The following NMT2 variants were observed in gnomAD, a reference collection of about 807,000 sequenced individuals.
NMT2 encodes glycylpeptide N-tetradecanoyltransferase 2.
Under a neutral mutation model 65.4 loss-of-function variants are expected in NMT2, and 35 were observed. The observed-to-expected ratio is 0.54, with a 90% CI of 0.41 to 0.71. The LOEUF is 0.71. Ranked by LOEUF, NMT2 falls within the 30% of genes least tolerant of loss-of-function variation. The pLI, the probability that NMT2 is intolerant of heterozygous loss-of-function variation, is 0.00. For synonymous variants in NMT2, 226 were observed against 231.8 expected (o/e 0.98, Z 0.23); for missense variants, 489 against 611.3 (o/e 0.80, Z 2.11).
At chr10:15,132,057 G>A (rs1355691760) in intron 6 of NMT2, among the ~76,000 whole-genome samples, 1 of 152,052 alleles carries the variant, frequency 6.6e-6, no homozygotes, top group Non-Finnish European at 1.5e-5. Flanking sequence ...TAGAGATGGG[G>A]TTTCGCCATG....
At chr10:15,140,007 G>A (rs1174544132) in intron 2 of NMT2, among the ~76,000 whole-genome samples, 1 of 150,952 alleles carries the variant, frequency 6.6e-6, no homozygotes. Flanking sequence ...GAACTGGGCT[G>A]AAGGAAGTGC....
rs1246988229 is a variant in NMT2 at position 15,124,524 on chromosome 10, TC to T, written c.999+3825del. 3.3e-5 allele frequency among the ~76,000 whole-genome samples: 5 copies of T among 152,192 alleles called. No homozygotes were observed. In the East Asian group the frequency reaches 9.6e-4, roughly 29 times the overall value. On this transcript the variant is annotated intron_variant, in intron 8 of 11. Transcript: ENST00000378165. ...AAATGTTAGCTCCTATATTCAAAAG[TC>T]CATGAAAAAGACAGAAAGCTGGCAC...
intron 8 of NMT2, among the ~76,000 whole-genome samples, chr10:15,120,917 C>T (rs191512319): frequency 6.6e-6 from 1 of 152,166 alleles, no homozygotes; most frequent in Non-Finnish European, 1.5e-5. Flanking sequence ...TGTCTTATCA[C>T]TACTCCAGAG....
At chr10:15,125,570 G>A (rs1846046885) in intron 8 of NMT2, among the ~76,000 whole-genome samples, 2 of 152,198 alleles carry the variant, frequency 1.3e-5, no homozygotes, top group African/African-American at 2.4e-5. Context: ...CTGAAATTTG[G>A]AGAGACCAAA....
At chr10:15,126,041 GC>G (rs201725178) in intron 8 of NMT2, among the ~76,000 whole-genome samples, 2,178 of 152,086 alleles carry the variant, frequency 0.014, 39 homozygotes, top group African/African-American at 0.048. Context: ...TTCTAAGATG[GC>G]CCCCAGTGAT....
chr10:15,156,486 G>A (rs1250401840), intron 1 of NMT2, among the ~76,000 whole-genome samples: 1 of 152,088 alleles, frequency 6.6e-6, no homozygotes, highest in South Asian at 2.1e-4. Context: ...GGACTAATAC[G>A]GGGCGGAGGC....
intron 1 of NMT2, among the ~76,000 whole-genome samples, chr10:15,163,643 A>T (rs1448989996): frequency 6.6e-6 from 1 of 152,244 alleles, no homozygotes; most frequent in Non-Finnish European, 1.5e-5. Context: ...ATTGCAAGTC[A>T]TAATGTTTCT....
intron 10 of NMT2, among the ~76,000 whole-genome samples, chr10:15,112,176 A>C (rs1427043199): frequency 1.8e-4 from 1 of 5,530 alleles, no homozygotes; most frequent in Non-Finnish European, 3.3e-4. Flanking sequence ...TATGGGCTTT[A>C]TATATATATA....
chr10:15,129,386 T>C (rs1451779972), intron 7 of NMT2, among the ~76,000 whole-genome samples: 2 of 152,196 alleles, frequency 1.3e-5, no homozygotes, highest in Non-Finnish European at 2.9e-5. Flanking sequence ...GTTAGTCTTG[T>C]GGGAATCTGA....
At chr10:15,148,995 G>T (rs944372042) in intron 1 of NMT2, among the ~76,000 whole-genome samples, 1 of 152,118 alleles carries the variant, frequency 6.6e-6, no homozygotes, top group Non-Finnish European at 1.5e-5. Context: ...CATGCTGTTG[G>T]TAAAATGTAA....
intron 2 of NMT2, among the ~76,000 whole-genome samples, chr10:15,137,698 G>C (rs1419282628): frequency 6.6e-6 from 1 of 152,168 alleles, no homozygotes; most frequent in Non-Finnish European, 1.5e-5. Flanking sequence ...TAATGAATTT[G>C]TCATGGTACT....
rs1352926439 is a variant in NMT2 at position 15,109,824 on chromosome 10, A to C, written c.1354T>G (p.Phe452Val). 6.2e-7 allele frequency: 1 copy of C among 1,609,434 alleles called. No individual in the cohort carries two copies. Among genetic ancestry groups the C allele is most frequent in the Non-Finnish European group, 8.5e-7 (1 of 1,178,616 alleles). Residue 452 changes from phenylalanine to valine, a missense_variant, in exon 11 of 12, where the codon TTC (phenylalanine) becomes GTC (valine). Physicochemically the swap from Phe to Val is conservative, Grantham distance 50 (BLOSUM62 -1). Transcript: ENST00000378165. Reference sequence around the variant, plus strand: ...TTTTCCATCAAATCCAGTGCATTGAATACATCAAATCCTTTCTGCCAATTT... The same window carrying C: ...TTTTCCATCAAATCCAGTGCATTGACTACATCAAATCCTTTCTGCCAATTT... Reference protein sequence around the residue: ...ILAKSKGFDVFNALDLMENKT... With the variant: ...ILAKSKGFDVVNALDLMENKT...
In NMT2 at chr10:15,141,515, TTTC is replaced by T; in HGVS notation, c.150_152del (p.Lys51del). The T allele has an allele frequency of 6.2e-7, 1 of 1,614,176 alleles. No homozygotes were observed. The highest frequency in any genetic ancestry group is 8.5e-7 in the Non-Finnish European group (1 of 1,180,008). On this transcript the variant is annotated inframe_deletion, in exon 2 of 12. Transcript: ENST00000378165. ...TTGGTTTCTCCTTTTTTCTCTTCTG[TTTC>T]TTCTTTTTCTTTTTGGCTCCCAAAT...
chr10:15,157,092 T>C (rs977601150), intron 1 of NMT2, among the ~76,000 whole-genome samples: 2 of 152,150 alleles, frequency 1.3e-5, no homozygotes, highest in African/African-American at 2.4e-5. Flanking sequence ...TGGGAATTTC[T>C]TATGTTAACT....
Position 15,108,237 on chromosome 10 carries a change from G to C in NMT2, c.*958C>G, listed in dbSNP as rs1845376578. On this transcript the variant is annotated 3_prime_UTR_variant, in exon 12 of 12. Coordinates refer to ENST00000378165, the MANE Select transcript of NMT2 (RefSeq NM_004808.3). ...GTCTCACGCTCTGTCACCCAGGCTG[G>C]AGTGCAGTGGCTCGATCTCGGCTCA... is the stretch of plus-strand genomic sequence containing the variant. 11 of 955,108 alleles carry C rather than the reference G, an allele frequency of 1.2e-5. No homozygotes were observed. The highest frequency in any genetic ancestry group is 1.2e-5 in the Non-Finnish European group (10 of 803,290). 59.2% of individuals were successfully genotyped at this position (955,108 alleles called of 1,614,324 possible).
At chr10:15,127,444 G>A (rs1269256344) in intron 8 of NMT2, among the ~76,000 whole-genome samples, 1 of 147,062 alleles carries the variant, frequency 6.8e-6, no homozygotes, top group Non-Finnish European at 1.5e-5. Context: ...CTACTCAGGA[G>A]GCTGAGGCAG....
At chr10:15,159,960 C>T (rs573121667) in intron 1 of NMT2, among the ~76,000 whole-genome samples, 7 of 152,210 alleles carry the variant, frequency 4.6e-5, no homozygotes, top group Admixed American at 6.5e-5. Flanking sequence ...ACAGGGCTTC[C>T]GGCAGGGGTC....
At chr10:15,129,367 T>C (rs1846197636) in intron 7 of NMT2, among the ~76,000 whole-genome samples, 2 of 152,172 alleles carry the variant, frequency 1.3e-5, no homozygotes, top group South Asian at 2.1e-4. Flanking sequence ...TCTGATGTTT[T>C]AGAAACAGGT....
intron 8 of NMT2, among the ~76,000 whole-genome samples, chr10:15,124,490 G>A (rs1393811437): frequency 5.3e-5 from 8 of 152,090 alleles, no homozygotes; most frequent in South Asian, 2.1e-4. Context: ...GCATAACGCC[G>A]GCCACAATAA....
Sources: allele counts gnomAD v4.1 joint callset (sites outside exome capture counted in the v4.1 genomes callset), GRCh38; gene constraint gnomAD v4.1.1; transcripts MANE v1.5; gene names NCBI Gene and HGNC (gene_info 2026-07-23, HGNC 2026-07-21).